The following NLRP13 variants were observed in gnomAD, a reference collection of about 807,000 sequenced individuals.
NLRP13 encodes the protein NLR family pyrin domain containing 13, also known as NACHT, LRR and PYD domains-containing protein 13.
NLRP13 carries 82 observed loss-of-function variants against 94.4 expected under a neutral mutation model. The ratio of observed to expected loss-of-function variants is 0.87; its 90% CI spans 0.73 to 1.04. The LOEUF is 1.04. Ranked by LOEUF, NLRP13 falls within the 50% of genes least tolerant of loss-of-function variation. The pLI is 0.00. For missense variants in NLRP13, 1,426 were observed against 1,230.8 expected, an observed-to-expected ratio of 1.16 and a Z score of -2.37; for synonymous variants, 553 against 464.7, an observed-to-expected ratio of 1.19 and a Z score of -2.45.
intron 6 of NLRP13, among the ~76,000 whole-genome samples, chr19:55,909,899 C>A (rs1395310983): frequency 6.6e-6 from 1 of 152,178 alleles, no homozygotes; most frequent in Admixed American, 6.5e-5. Flanking sequence ...TGAGTCAAGT[C>A]GGTCTTTACC....
Position 55,906,754 on chromosome 19 carries a change from ACC to A in NLRP13, c.2447+1036_2447+1037del, listed in dbSNP as rs5828659. ...TTGAAAGAGTGATCTGTGTTTACAG[ACC>A]CCCCCCTGCTCCATGAATGAAAGCT... On this transcript the variant is annotated intron_variant, in intron 7 of 10. Transcript: ENST00000342929. Among the ~76,000 whole-genome samples the A allele has an allele frequency of 4.4e-3, 669 of 150,866 alleles. 9 individuals carry two copies. The highest frequency in any genetic ancestry group is 0.015 in the African/African-American group (637 of 41,120).
At chr19:55,893,654 G>T (rs77934870), downstream of NLRP13, among the ~76,000 whole-genome samples, 1 of 152,178 alleles carries the variant, frequency 6.6e-6, no homozygotes, top group South Asian at 2.1e-4. Flanking sequence ...ATGACACAAG[G>T]GACCTTGTGG....
intron 6 of NLRP13, among the ~76,000 whole-genome samples, chr19:55,908,806 A>G (rs1986424291): frequency 6.6e-6 from 1 of 152,220 alleles, no homozygotes; most frequent in African/African-American, 2.4e-5. Context: ...AGGAAAAATA[A>G]CTAATGGGTA....
In NLRP13 at chr19:55,910,755, C is replaced by G. The variant is rs370830106; in HGVS notation, c.2112-22G>C. 2.5e-6 allele frequency: 4 copies of G among 1,579,148 alleles called. No homozygotes were observed. In the African/African-American group the frequency reaches 5.4e-5, roughly 21 times the overall value. On this transcript the variant is annotated intron_variant, in intron 5 of 10. Coordinates refer to ENST00000342929, the MANE Select transcript of NLRP13 (RefSeq NM_176810.2). The stretch of plus-strand genomic sequence containing the variant: ...TGTCCTTCATGAGGGAGAGACAGAA[C>G]ACGGATAAGAGCAAATTAGCCTCAA...
At chr19:55,920,669 G>A (rs1697248076) in intron 4 of NLRP13, among the ~76,000 whole-genome samples, 1 of 151,958 alleles carries the variant, frequency 6.6e-6, no homozygotes, top group Non-Finnish European at 1.5e-5. Flanking sequence ...AAGTAAATTA[G>A]TACAATATCT....
intron 5 of NLRP13, among the ~76,000 whole-genome samples, chr19:55,911,068 G>T (rs528738739): frequency 6.6e-6 from 1 of 152,278 alleles, no homozygotes; most frequent in African/African-American, 2.4e-5. Context: ...TGTGGGGGTT[G>T]CAAGACCACC....
intron 3 of NLRP13, among the ~76,000 whole-genome samples, 162 bp from the exon 4 acceptor site, chr19:55,924,141 G>A (rs925752424): frequency 6.6e-6 from 1 of 152,146 alleles, no homozygotes; most frequent in African/African-American, 2.4e-5. Context: ...TTATTTTTAA[G>A]AAATGGAGTC....
chr19:55,929,499 A>G (rs941232831), intron 1 of NLRP13, among the ~76,000 whole-genome samples: 2 of 152,220 alleles, frequency 1.3e-5, no homozygotes, highest in Non-Finnish European at 2.9e-5. Context: ...GCTGGAAACC[A>G]TCATTCTCAG....
At chr19:55,914,315 C>T (rs1169166661) in intron 4 of NLRP13, among the ~76,000 whole-genome samples, 1 of 152,144 alleles carries the variant, frequency 6.6e-6, no homozygotes, top group East Asian at 1.9e-4. Context: ...GACCAAGGCA[C>T]ATGGTAGGAG....
intron 5 of NLRP13, among the ~76,000 whole-genome samples, chr19:55,911,495 G>C (rs1357555500): frequency 1.3e-5 from 2 of 152,326 alleles, no homozygotes; most frequent in Middle Eastern, 3.4e-3. Flanking sequence ...AAGATATAAA[G>C]ATGTCTTTAA....
Position 55,932,124 on chromosome 19 carries a change from G to C in NLRP13, c.188C>G (p.Ala63Gly). ...AAGAAAGGACAGATTCAAAGGGTCG[G>C]CAGCTCTCAAGTTTGCCCAGGGGAT... ...PRIPWANLRAADPLNLSFLLD... is the reference protein window; with the variant it reads ...PRIPWANLRAGDPLNLSFLLD... Residue 63 changes from alanine (A) to glycine (G), a missense_variant, in exon 1 of 11, where the codon GCC becomes GGC. Transcript: ENST00000342929. 6.2e-7 allele frequency: 1 copy of C among 1,614,208 alleles called. No homozygotes were observed. Among genetic ancestry groups the C allele is most frequent in the Non-Finnish European group, 8.5e-7 (1 of 1,180,040 alleles).
At chr19:55,929,282 C>T (rs955793853) in intron 1 of NLRP13, among the ~76,000 whole-genome samples, 2 of 152,126 alleles carry the variant, frequency 1.3e-5, no homozygotes, top group Non-Finnish European at 2.9e-5. Flanking sequence ...TGGGTATATA[C>T]CCAAAGGATT....
intron 7 of NLRP13, 41 bp from the exon 8 acceptor site, chr19:55,905,153 G>C: frequency 1.9e-6 from 3 of 1,607,100 alleles, no homozygotes; most frequent in Non-Finnish European, 2.6e-6. Context: ...CAGCCATGAT[G>C]CCCAGGTTCC....
At chr19:55,902,327 C>T (rs1288164393) in intron 8 of NLRP13, 122 bp from the exon 9 acceptor site, 23 of 738,624 alleles carry the variant, frequency 3.1e-5, no homozygotes, top group Non-Finnish European at 4.6e-5. Context: ...ACGACAAGGT[C>T]TTTCTTTTTA....
intron 4 of NLRP13, among the ~76,000 whole-genome samples, chr19:55,915,322 G>A (rs1363987450): frequency 6.6e-6 from 1 of 152,290 alleles, no homozygotes; most frequent in East Asian, 1.9e-4. Context: ...TTACAGCCAT[G>A]TGCGGTGGCT....
intron 1 of NLRP13, among the ~76,000 whole-genome samples, chr19:55,927,371 A>G (rs1986992094): frequency 2.5e-5 from 1 of 39,382 alleles, no homozygotes; most frequent in South Asian, 1.0e-3. Flanking sequence ...CCATCTAGGA[A>G]AAAAAAAAAA....
chr19:55,916,467 G>T (rs1986677822), intron 4 of NLRP13, among the ~76,000 whole-genome samples: 1 of 152,012 alleles, frequency 6.6e-6, no homozygotes, highest in Admixed American at 6.5e-5. Flanking sequence ...CCTGTACAAA[G>T]AAATCAGAAA....
intron 3 of NLRP13, among the ~76,000 whole-genome samples, chr19:55,924,276 C>T (rs1266874841): frequency 1.3e-5 from 2 of 152,092 alleles, no homozygotes; most frequent in Non-Finnish European, 2.9e-5. Context: ...GCACACACCA[C>T]CAGGCCTGGC....
At chr19:55,916,897 C>T (rs1046532782) in intron 4 of NLRP13, among the ~76,000 whole-genome samples, 1 of 151,974 alleles carries the variant, frequency 6.6e-6, no homozygotes, top group Non-Finnish European at 1.5e-5. Flanking sequence ...CAAGAAGGGC[C>T]TCACTATGAT....
Sources: gnomAD v4.1 joint callset for allele counts (sites outside exome capture counted in the v4.1 genomes callset) on GRCh38, gnomAD v4.1.1 for gene constraint, MANE v1.5 for transcripts, NCBI Gene and HGNC (gene_info 2026-07-23, HGNC 2026-07-21) for gene names.